The following GLCCI1 variants were observed in gnomAD, a reference collection of about 807,000 sequenced individuals.
GLCCI1 encodes the protein glucocorticoid induced 1.
Under a neutral mutation model 52.2 loss-of-function variants are expected in GLCCI1, and 24 were observed. The observed-to-expected ratio is 0.46, with a 90% CI of 0.33 to 0.65. The LOEUF is 0.65. GLCCI1 is among the 30% of genes least tolerant of loss of function. The probability of loss-of-function intolerance (pLI) is 0.02; values close to 1 mark genes in which losing one functional copy is unlikely to be tolerated. For synonymous variants in GLCCI1, 310 were observed against 276.5 expected, an observed-to-expected ratio of 1.12 and a Z score of -1.20; for missense variants, 704 against 701.5, an observed-to-expected ratio of 1.00 and a Z score of -0.04.
intron 2 of GLCCI1, among the ~76,000 whole-genome samples, chr7:8,019,527 T>C (rs1583976565): frequency 6.6e-6 from 1 of 152,184 alleles, no homozygotes; most frequent in South Asian, 2.1e-4. Context: ...ACTCTTTCAG[T>C]CGTTTTTCTT....
chr7:8,048,601 C>T (rs924110204), intron 3 of GLCCI1, among the ~76,000 whole-genome samples: 1 of 152,120 alleles, frequency 6.6e-6, no homozygotes, highest in African/African-American at 2.4e-5. Context: ...CCTCTCTTTT[C>T]ATTTGAGGTA....
intron 2 of GLCCI1, among the ~76,000 whole-genome samples, chr7:8,011,724 G>A (rs1781265363): frequency 6.6e-6 from 1 of 152,072 alleles, no homozygotes; most frequent in African/African-American, 2.4e-5. Context: ...CTGATGTACT[G>A]TCTTCCACTA....
chr7:8,044,757 T>C (rs1325986554), intron 3 of GLCCI1, among the ~76,000 whole-genome samples: 3 of 152,236 alleles, frequency 2.0e-5, no homozygotes, highest in South Asian at 4.1e-4. Flanking sequence ...TAAAAGCACT[T>C]GTATATAATT....
intron 3 of GLCCI1, among the ~76,000 whole-genome samples, chr7:8,046,068 C>G (rs911286508): frequency 2.6e-5 from 4 of 151,832 alleles, no homozygotes; most frequent in African/African-American, 9.7e-5. Flanking sequence ...GGGCCACTTG[C>G]AAATCTTGTA....
Position 7,980,756 on chromosome 7 carries a change from G to A in GLCCI1, c.457+10949G>A, listed in dbSNP as rs1780597162. 4.4e-6 allele frequency: 3 copies of A among 687,008 alleles called. No homozygotes were observed. In the South Asian group the frequency reaches 4.9e-5, roughly 11 times the overall value. 42.6% of individuals were successfully genotyped at this position (687,008 alleles called of 1,614,324 possible). On this transcript the variant is annotated intron_variant, in intron 1 of 7. Coordinates refer to ENST00000223145, the MANE Select transcript of GLCCI1 (RefSeq NM_138426.4). Reference sequence around the variant, plus strand: ...GGAGAAAATCTAGATTACCTTGATGGTACCATACAGTATTTGGTGAGGTGA... The same window carrying A: ...GGAGAAAATCTAGATTACCTTGATGATACCATACAGTATTTGGTGAGGTGA...
intron 4 of GLCCI1, among the ~76,000 whole-genome samples, chr7:8,059,161 C>T (rs934556023): frequency 3.3e-5 from 5 of 151,740 alleles, no homozygotes; most frequent in Admixed American, 2.0e-4. Context: ...CCATGTTGTT[C>T]GAGGGTCAAC....
At chr7:8,075,461 T>C (rs2127966435) in intron 6 of GLCCI1, among the ~76,000 whole-genome samples, 1 of 152,266 alleles carries the variant, frequency 6.6e-6, no homozygotes, top group Non-Finnish European at 1.5e-5. Flanking sequence ...CCCTAAGAGG[T>C]AGCTTACATT....
chr7:7,972,095 A>G (rs553372044), intron 1 of GLCCI1, among the ~76,000 whole-genome samples: 78 of 152,292 alleles, frequency 5.1e-4, no homozygotes, highest in African/African-American at 1.8e-3. Context: ...TTTAAAATCC[A>G]TGATCTGAAC....
intron 1 of GLCCI1, among the ~76,000 whole-genome samples, chr7:8,003,484 T>C (rs1781085934): frequency 6.6e-6 from 1 of 152,204 alleles, no homozygotes; most frequent in African/African-American, 2.4e-5. Flanking sequence ...TCATACTAAA[T>C]AATATAGGCT....
chr7:8,009,700 C>G (rs1368413618), intron 2 of GLCCI1, among the ~76,000 whole-genome samples: 3 of 152,176 alleles, frequency 2.0e-5, no homozygotes, highest in Non-Finnish European at 2.9e-5. Context: ...GTAGTATGAG[C>G]AAGAAATTAA....
chr7:8,003,343 A>G (rs532268862), intron 1 of GLCCI1, among the ~76,000 whole-genome samples: 1 of 152,346 alleles, frequency 6.6e-6, no homozygotes, highest in Admixed American at 6.5e-5. Context: ...TAGAATGTAC[A>G]GAGGCAGAAA....
chr7:7,981,280 C>A (rs1327858102), intron 1 of GLCCI1: 3 of 248,956 alleles, frequency 1.2e-5, no homozygotes, highest in Non-Finnish European at 2.3e-5. Context: ...TTCTTTCTTT[C>A]TTTCTCTCTC....
intron 6 of GLCCI1, among the ~76,000 whole-genome samples, chr7:8,080,844 T>G (rs929035425): frequency 2.9e-5 from 4 of 140,332 alleles, no homozygotes; most frequent in East Asian, 1.9e-4. Flanking sequence ...TTTTGGGGTT[T>G]TTTTTTTTTT....
chr7:7,991,384 A>G (rs1780836162), intron 1 of GLCCI1, among the ~76,000 whole-genome samples: 1 of 152,076 alleles, frequency 6.6e-6, no homozygotes, highest in South Asian at 2.1e-4. Context: ...TTCTTTATTC[A>G]AATAGGAAAT....
At chr7:8,074,025 C>T (rs1782822755) in intron 6 of GLCCI1, among the ~76,000 whole-genome samples, 1 of 152,178 alleles carries the variant, frequency 6.6e-6, no homozygotes, top group African/African-American at 2.4e-5. Flanking sequence ...ACTATGCACA[C>T]ATGGGTGTGT....
At chr7:7,977,718 A>G (rs1413073124) in intron 1 of GLCCI1, among the ~76,000 whole-genome samples, 1 of 152,220 alleles carries the variant, frequency 6.6e-6, no homozygotes, top group African/African-American at 2.4e-5. Context: ...ATTAGACTAG[A>G]TGATTCTTAA....
intron 3 of GLCCI1, among the ~76,000 whole-genome samples, chr7:8,044,194 G>A (rs1036994955): frequency 2.6e-5 from 4 of 151,806 alleles, no homozygotes; most frequent in South Asian, 2.1e-4. Flanking sequence ...ATCCACCTGC[G>A]TCAGCCTCCC....
At position 8,024,844 on chromosome 7, in the gene GLCCI1, G is replaced by A. The variant is rs549388424; in HGVS notation, c.696+2275G>A. ...GAATAGCACAAATTCGTGATCTGGT[G>A]CTACTCCTTTTCTCCTTTTCCTTGT... On this transcript the variant is annotated intron_variant, in intron 3 of 7. Transcript: ENST00000223145. 7 of 152,332 alleles carry A rather than the reference G, an allele frequency of 4.6e-5. No individual in the cohort carries two copies. In the East Asian group the frequency reaches 1.2e-3, roughly 25 times the overall value. 9.4% of individuals were successfully genotyped at this position (152,332 alleles called of 1,614,324 possible).
chr7:8,006,270 A>C (rs1303479704), intron 2 of GLCCI1, among the ~76,000 whole-genome samples: 1 of 152,242 alleles, frequency 6.6e-6, no homozygotes, highest in African/African-American at 2.4e-5. Flanking sequence ...AAGAGAGGTC[A>C]TGGTGATTAA....
Sources: allele counts gnomAD v4.1 joint callset (sites outside exome capture counted in the v4.1 genomes callset), GRCh38; gene constraint gnomAD v4.1.1; transcripts MANE v1.5; gene names NCBI Gene and HGNC (gene_info 2026-07-23, HGNC 2026-07-21).